Variants in PRSS3 observed in about 807,000 individuals in gnomAD.
PRSS3 encodes serine protease 3, also known as trypsin-3.
Under a neutral mutation model 20.8 loss-of-function variants are expected in PRSS3, and 14 were observed. That is an observed-to-expected ratio of 0.67 (90% confidence interval 0.44 to 1.05). The LOEUF (loss-of-function observed/expected upper bound fraction) is 1.05. Ranked by LOEUF, PRSS3 falls within the 50% of genes least tolerant of loss-of-function variation. The probability of loss-of-function intolerance (pLI) is 0.00; values close to 1 mark genes in which losing one functional copy is unlikely to be tolerated. For missense variants in PRSS3, 237 were observed against 306.4 expected (o/e 0.77, Z 1.69); for synonymous variants, 91 against 117.6 (o/e 0.77, Z 1.46).
rs548052388 is a variant in PRSS3, at chr9:33,763,527, G to A, written c.-53+12800G>A. Among the ~76,000 whole-genome samples, 13 of 152,046 alleles carry A rather than the reference G, an allele frequency of 8.6e-5. 1 individual carries two copies. The highest frequency in any genetic ancestry group is 4.2e-4 in the South Asian group (2 of 4,818). ...ATCCTGGCTAACACGGTGAAACCCC[G>A]TCTCTACTGAAAATATAAAAAATTA... On this transcript the variant is annotated intron_variant, in intron 1 of 5. Coordinates refer to the PRSS3 transcript ENST00000342836.
chr9:33,771,315 C>CT (rs540273522), intron 1 of PRSS3, among the ~76,000 whole-genome samples: 8,424 of 143,688 alleles, frequency 0.059, 792 homozygotes, highest in African/African-American at 0.2. Flanking sequence ...GTTTCTTTTC[C>CT]TTTTTTTTTT....
At chr9:33,790,872 T>G (rs1356204290), upstream of PRSS3, among the ~76,000 whole-genome samples, 1 of 152,166 alleles carries the variant, frequency 6.6e-6, no homozygotes, top group Non-Finnish European at 1.5e-5. Flanking sequence ...AGAGGAAAAT[T>G]TATACAGCTG....
At chr9:33,798,273 G>A (rs144749953) in intron 3 of PRSS3, 191 bp downstream of exon 3, 22,062 of 1,285,860 alleles carry the variant, frequency 0.017, 110 homozygotes, top group Non-Finnish European at 0.02. Flanking sequence ...TCAAGAGATA[G>A]GACAAATGGA....
intron 1 of PRSS3, among the ~76,000 whole-genome samples, chr9:33,788,573 A>G (rs1241602021): frequency 1.3e-5 from 2 of 152,214 alleles, no homozygotes; most frequent in African/African-American, 4.8e-5. Context: ...CCTAAGTTTT[A>G]TGGAAATTCC....
At chr9:33,764,051 G>T (rs987929342) in intron 1 of PRSS3, among the ~76,000 whole-genome samples, 1 of 152,142 alleles carries the variant, frequency 6.6e-6, no homozygotes, top group African/African-American at 2.4e-5. Context: ...GTTTGAGCTG[G>T]CTATAGGCAA....
chr9:33,780,361 G>T (rs1824130549), intron 1 of PRSS3, among the ~76,000 whole-genome samples: 2 of 152,284 alleles, frequency 1.3e-5, no homozygotes, highest in African/African-American at 4.8e-5. Context: ...ACAAGCAAAT[G>T]CTGAGGAAAT....
intron 1 of PRSS3, among the ~76,000 whole-genome samples, chr9:33,755,800 T>G (rs1822915570): frequency 6.6e-6 from 1 of 152,140 alleles, no homozygotes; most frequent in Non-Finnish European, 1.5e-5. Flanking sequence ...TGCTACTAAT[T>G]GCATGGAGCT....
In PRSS3 at chr9:33,750,953, C is replaced by A; in HGVS notation, c.-53+226C>A. On this transcript the variant is annotated intron_variant, in intron 1 of 5. Transcript: ENST00000342836. The surrounding 1 kb of genome is among the most constrained non-coding windows in gnomAD (Gnocchi z 4.8). ...GAGGGGATGGAGGGCCCTGGTGTCG[C>A]AGAAGCCCACCTGGGGCCCCCTCCG... is the stretch of plus-strand genomic sequence containing the variant. The A allele has an allele frequency of 8.9e-7, 1 of 1,123,364 alleles. No homozygotes were observed. Among genetic ancestry groups the A allele is most frequent in the Non-Finnish European group, 1.1e-6 (1 of 870,344 alleles). 69.6% of individuals were successfully genotyped at this position (1,123,364 alleles called of 1,614,324 possible).
At chr9:33,754,037 T>TTTTTCTTTTCTTTTCTCTCTTCTTTTC (rs1822818789) in intron 1 of PRSS3, among the ~76,000 whole-genome samples, 1 of 152,122 alleles carries the variant, frequency 6.6e-6, no homozygotes, top group Non-Finnish European at 1.5e-5. Context: ...CTTGTCTTTT[T>TTTTTCTTTTCTTTTCTCTCTTCTTTTC]TTTTCTTTTC....
intron 1 of PRSS3, among the ~76,000 whole-genome samples, chr9:33,775,701 T>C (rs1389472568): frequency 1.4e-5 from 1 of 70,328 alleles, no homozygotes; most frequent in African/African-American, 4.9e-5. Flanking sequence ...GGGCTTGAAG[T>C]TTTTTTTTTT....
At chr9:33,755,969 T>G (rs540987232) in intron 1 of PRSS3, among the ~76,000 whole-genome samples, 2 of 152,356 alleles carry the variant, frequency 1.3e-5, no homozygotes, top group African/African-American at 4.8e-5. Context: ...CTTTTTTTTC[T>G]GTCTAGGCCA....
At chr9:33,779,448 G>T (rs1331811520) in intron 1 of PRSS3, among the ~76,000 whole-genome samples, 1 of 152,162 alleles carries the variant, frequency 6.6e-6, no homozygotes, top group Admixed American at 6.5e-5. Flanking sequence ...ATGCAATTCT[G>T]CTGTAAATTC....
At chr9:33,787,466 T>C (rs1337195832) in intron 1 of PRSS3, among the ~76,000 whole-genome samples, 1 of 152,248 alleles carries the variant, frequency 6.6e-6, no homozygotes, top group East Asian at 1.9e-4. Context: ...AGTAAGCTGC[T>C]GCACCTTAGA....
At chr9:33,789,510 T>G (rs1824542779) in intron 1 of PRSS3, among the ~76,000 whole-genome samples, 1 of 152,218 alleles carries the variant, frequency 6.6e-6, no homozygotes, top group Admixed American at 6.5e-5. Flanking sequence ...TAGCTCATCC[T>G]TTCACTAACT....
intron 1 of PRSS3, among the ~76,000 whole-genome samples, chr9:33,784,133 G>A (rs1273238179): frequency 6.6e-6 from 1 of 152,070 alleles, no homozygotes; most frequent in African/African-American, 2.4e-5. Flanking sequence ...AAAATCTAGA[G>A]ACTACTGCAG....
rs1228644532 is a variant in PRSS3, at chr9:33,797,861, T to C, written c.233T>C (p.Ile78Thr). Residue 78 changes from isoleucine (I) to threonine (T), a missense_variant, in exon 3 of 5, where the codon ATC becomes ACC. Ile to Thr is a moderately conservative substitution (Grantham distance 89). Transcript: ENST00000379405. The part of the protein sequence containing the change: ...RIQVRLGEHN[I>T]KVLEGNEQFI... ...CAGGTGAGACTGGGAGAGCACAACATCAAAGTCCTGGAGGGGAATGAGCAG... is the reference window on the plus strand; with the variant it reads ...CAGGTGAGACTGGGAGAGCACAACACCAAAGTCCTGGAGGGGAATGAGCAG... 6.2e-7 allele frequency: 1 copy of C among 1,614,170 alleles called. No homozygotes were observed. Among genetic ancestry groups the C allele is most frequent in the Admixed American group, 1.7e-5 (1 of 60,022 alleles).
intron 1 of PRSS3, among the ~76,000 whole-genome samples, chr9:33,786,983 G>C (rs1255310580): frequency 6.6e-6 from 1 of 152,184 alleles, no homozygotes; most frequent in African/African-American, 2.4e-5. Context: ...TTGTAGGTGG[G>C]CATGGGTATG....
chr9:33,776,515 T>C (rs117813083), intron 1 of PRSS3, among the ~76,000 whole-genome samples: 1,633 of 152,098 alleles, frequency 0.011, 16 homozygotes, highest in Non-Finnish European at 0.017. Flanking sequence ...CAAAACAGAG[T>C]ACTGGCATAA....
Position 33,765,234 on chromosome 9 carries a change from CTA to C in PRSS3, c.-53+14509_-53+14510del, listed in dbSNP as rs538889616. Among the ~76,000 whole-genome samples the C allele has an allele frequency of 4.4e-3, 671 of 152,158 alleles. 4 individuals are homozygous for C. Among genetic ancestry groups the C allele is most frequent in the African/African-American group, 0.015 (603 of 41,516 alleles). On this transcript the variant is annotated intron_variant, in intron 1 of 5. Coordinates refer to the PRSS3 transcript ENST00000342836. ...TAGTTAGTGCCAAACCTTATATACA[CTA>C]TGTTTTTTCCTAGATGTATATACCT...
Sources: gnomAD v4.1 joint callset for allele counts (sites outside exome capture counted in the v4.1 genomes callset) on GRCh38, gnomAD v4.1.1 for gene constraint, Gnocchi (gnomAD v3.1) non-coding constraint, MANE v1.5 for transcripts, NCBI Gene and HGNC (gene_info 2026-07-23, HGNC 2026-07-21) for gene names.